The following TANC2 variants were observed in gnomAD, a reference collection of about 807,000 sequenced individuals.
TANC2 encodes tetratricopeptide repeat, ankyrin repeat and coiled-coil containing 2.
TANC2 carries 26 observed loss-of-function variants against 210.5 expected under a neutral mutation model. The observed-to-expected ratio is 0.12, with a 90% CI of 0.09 to 0.17. TANC2 has a LOEUF of 0.17. TANC2 is among the 10% of genes least tolerant of loss of function. The pLI is 1.00. For synonymous variants in TANC2, 931 were observed against 967.1 expected, an observed-to-expected ratio of 0.96 and a Z score of 0.69; for missense variants, 2,129 against 2,608.9, an observed-to-expected ratio of 0.82 and a Z score of 4.01.
At chr17:63,322,537 C>T (rs1054980215) in intron 11 of TANC2, among the ~76,000 whole-genome samples, 1 of 152,156 alleles carries the variant, frequency 6.6e-6, no homozygotes, top group Non-Finnish European at 1.5e-5. Flanking sequence ...TAGAAATACA[C>T]AGATGTTAAA....
At chr17:63,247,537 G>A (rs542754525) in intron 8 of TANC2, among the ~76,000 whole-genome samples, 1 of 151,174 alleles carries the variant, frequency 6.6e-6, no homozygotes, top group East Asian at 1.9e-4. Flanking sequence ...TACATCTGTA[G>A]ACTAGACCTT....
intron 5 of TANC2, among the ~76,000 whole-genome samples, chr17:63,156,266 G>C (rs909278117): frequency 3.3e-5 from 5 of 152,216 alleles, no homozygotes; most frequent in Middle Eastern, 6.8e-3. Flanking sequence ...AAATTGATGA[G>C]CTTTGGGGGG....
chr17:63,241,997 T>C (rs1012046281), intron 8 of TANC2, among the ~76,000 whole-genome samples: 3 of 152,192 alleles, frequency 2.0e-5, no homozygotes, highest in African/African-American at 4.8e-5. Context: ...CAGTGCCTAA[T>C]AGTAAATTGG....
intron 11 of TANC2, among the ~76,000 whole-genome samples, chr17:63,326,527 T>C (rs756344230): frequency 8.6e-4 from 130 of 151,396 alleles, no homozygotes; most frequent in Non-Finnish European, 1.5e-3. Flanking sequence ...CGTGAAAAAA[T>C]TTTACCAGCC....
intron 12 of TANC2, among the ~76,000 whole-genome samples, chr17:63,345,014 C>T (rs80269906): frequency 0.017 from 2,521 of 152,300 alleles, 34 homozygotes; most frequent in Non-Finnish European, 0.024. Context: ...TCCCAGTGCT[C>T]ATTCCTGCTC....
chr17:63,331,894 TTATTTA>T (rs2045866680), intron 11 of TANC2: 7 of 209,114 alleles, frequency 3.3e-5, no homozygotes, highest in Middle Eastern at 1.7e-3. Context: ...GTGTGTGTAT[TTATTTA>T]TATTTAAAAG....
intron 4 of TANC2, among the ~76,000 whole-genome samples, chr17:63,105,677 A>G (rs961923030): frequency 2.6e-5 from 4 of 151,748 alleles, no homozygotes; most frequent in Admixed American, 2.0e-4. Flanking sequence ...TATCTTGGAA[A>G]AAATGGAAAC....
intron 9 of TANC2, among the ~76,000 whole-genome samples, chr17:63,298,561 G>A (rs1009118309): frequency 6.6e-6 from 1 of 151,970 alleles, no homozygotes; most frequent in African/African-American, 2.4e-5. Flanking sequence ...AGTAATATAG[G>A]GTTTTATTTT....
At chr17:63,093,917 C>G (rs146263094) in intron 3 of TANC2, among the ~76,000 whole-genome samples, 1 of 152,024 alleles carries the variant, frequency 6.6e-6, no homozygotes, top group Non-Finnish European at 1.5e-5. Flanking sequence ...ACTCCTGACT[C>G]TATTTAGGTT....
chr17:63,118,902 C>A (rs1175876926), intron 4 of TANC2, among the ~76,000 whole-genome samples: 1 of 151,860 alleles, frequency 6.6e-6, no homozygotes, highest in Non-Finnish European at 1.5e-5. Flanking sequence ...CCTGCCTCAG[C>A]CTCCTGAGTA....
At chr17:63,425,209 T>C (rs894484867) in exon 28 of TANC2, 2 of 152,216 alleles carry the variant, frequency 1.3e-5, no homozygotes, top group African/African-American at 4.8e-5. Context: ...TCTTTTTAGA[T>C]GTGTATAACT....
chr17:63,192,078 A>C (rs1304918120), intron 5 of TANC2, among the ~76,000 whole-genome samples: 2 of 152,198 alleles, frequency 1.3e-5, no homozygotes, highest in Non-Finnish European at 2.9e-5. Flanking sequence ...AAGATCAACA[A>C]ATAAGAAAAG....
intron 18 of TANC2, 115 bp downstream of exon 18, chr17:63,396,043 A>ATCGCTGC: frequency 4.2e-6 from 4 of 954,026 alleles, no homozygotes; most frequent in Non-Finnish European, 4.6e-6. Flanking sequence ...TGAATTCGTG[A>ATCGCTGC]TCGCTGCTCT....
intron 14 of TANC2, among the ~76,000 whole-genome samples, chr17:63,362,647 G>A (rs887874025): frequency 6.6e-6 from 1 of 152,236 alleles, no homozygotes; most frequent in Non-Finnish European, 1.5e-5. Flanking sequence ...GGGCTGGCGT[G>A]TCAACACTGC....
chr17:63,002,339 C>T (rs1598224881), intron 1 of TANC2, among the ~76,000 whole-genome samples: 1 of 152,210 alleles, frequency 6.6e-6, no homozygotes, highest in African/African-American at 2.4e-5. Flanking sequence ...CAGTTATTTA[C>T]ATTTTAAATA....
chr17:63,154,485 A>G (rs1205686030), intron 5 of TANC2: 1 of 152,096 alleles, frequency 6.6e-6, no homozygotes, highest in Non-Finnish European at 1.5e-5. Flanking sequence ...AAATAAGAAA[A>G]TAGATTCATC....
At chr17:63,007,871 A>T (rs1267301887) in intron 1 of TANC2, among the ~76,000 whole-genome samples, 1 of 151,478 alleles carries the variant, frequency 6.6e-6, no homozygotes, top group African/African-American at 2.4e-5. Flanking sequence ...TTTTTCTAGT[A>T]TCATTTTCCT....
intron 14 of TANC2, among the ~76,000 whole-genome samples, chr17:63,376,814 C>CTT (rs771564600): frequency 3.4e-4 from 43 of 125,944 alleles, no homozygotes; most frequent in East Asian, 9.1e-4. Flanking sequence ...CCACTGTACT[C>CTT]TTTTTTTTTT....
In TANC2 at chr17:63,000,672, T is replaced by C. The variant is rs755747160; in HGVS notation, c.-23-8865T>C. On this transcript the variant is annotated intron_variant, in intron 1 of 27. Coordinates refer to ENST00000689528, the Ensembl canonical transcript of TANC2. The stretch of plus-strand genomic sequence containing the variant: ...TTATTTTCCTGTCCAGATATTTCAC[T>C]TGCCAGGGATGTATCTGATGATTCC... 2.0e-5 allele frequency among the ~76,000 whole-genome samples: 3 copies of C among 152,176 alleles called. No homozygotes were observed. In the East Asian group the frequency reaches 5.8e-4, roughly 29 times the overall value.
Sources: gnomAD v4.1 joint callset for allele counts (sites outside exome capture counted in the v4.1 genomes callset) on GRCh38, gnomAD v4.1.1 for gene constraint, MANE v1.5 for transcripts, NCBI Gene and HGNC (gene_info 2026-07-23, HGNC 2026-07-21) for gene names.